Variants in FOLH1 observed in about 807,000 individuals in gnomAD.
FOLH1 encodes the protein folate hydrolase 1.
Under a neutral mutation model 93.9 loss-of-function variants are expected in FOLH1, and 54 were observed. That is an observed-to-expected ratio of 0.57 (90% CI 0.46 to 0.72). The LOEUF (loss-of-function observed/expected upper bound fraction) is 0.72. Ranked by LOEUF, FOLH1 falls within the 30% of genes least tolerant of loss-of-function variation. FOLH1 has a pLI of 0.00. For missense variants in FOLH1, 571 were observed against 892.5 expected (o/e 0.64, Z 4.59); for synonymous variants, 249 against 303.6 (o/e 0.82, Z 1.87).
chr11:49,183,146 TA>T lies in FOLH1; in HGVS notation c.920+2del. On this transcript the variant is annotated splice_donor_variant, in intron 7 of 18. Coordinates refer to ENST00000256999, the MANE Select transcript of FOLH1 (RefSeq NM_004476.3). ...AGCCATCCATGGTTTCTTACAAACT[TA>T]CTCTAGGAGCTTCTGTGCATCATAG... 1 of 1,594,258 alleles carries T rather than the reference TA, an allele frequency of 6.3e-7. No individual in the cohort carries two copies.
At position 49,203,380 on chromosome 11, in the gene FOLH1, A is replaced by G. The variant is rs1863492134; in HGVS notation, c.224+2687T>C. Among the ~76,000 whole-genome samples the G allele has an allele frequency of 2.0e-5, 3 of 152,186 alleles. No homozygotes were observed. In the South Asian group the frequency reaches 6.2e-4, roughly 31 times the overall value. On this transcript the variant is annotated intron_variant, in intron 2 of 18. Coordinates refer to ENST00000256999, the MANE Select transcript of FOLH1 (RefSeq NM_004476.3). ...AAAGCTGCTCCTAATTAATCTTCCC[A>G]TTCACTACTGAGGCAGATATTTCAG...
intron 17 of FOLH1, among the ~76,000 whole-genome samples, chr11:49,153,015 A>G (rs1184878857): frequency 6.6e-6 from 1 of 152,070 alleles, no homozygotes; most frequent in Non-Finnish European, 1.5e-5. Context: ...ATATTTCCTT[A>G]TAGATCACCA....
At chr11:49,175,064 C>T (rs1859843625) in intron 8 of FOLH1, 87 bp from the exon 9 acceptor site, 2 of 1,225,864 alleles carry the variant, frequency 1.6e-6, no homozygotes, top group African/African-American at 3.1e-5. Context: ...TCCCCTCTGC[C>T]TTTGAAGGTT....
chr11:49,181,322 G>A (rs1170344354), intron 7 of FOLH1, among the ~76,000 whole-genome samples: 2 of 151,884 alleles, frequency 1.3e-5, no homozygotes, highest in Non-Finnish European at 2.9e-5. Flanking sequence ...ATGTTGGCGA[G>A]GATGGTCCCC....
intron 5 of FOLH1, 145 bp downstream of exon 5, chr11:49,186,499 T>C (rs1861399236): frequency 1.0e-6 from 1 of 961,744 alleles, no homozygotes; most frequent in African/African-American, 1.7e-5. Flanking sequence ...CTAGTAAATG[T>C]GTCCTCTCTG....
rs1156956434 is a variant in FOLH1, at chr11:49,194,790, T to C, written c.412-1896A>G. Among the ~76,000 whole-genome samples the C allele has an allele frequency of 2.0e-5, 3 of 151,676 alleles. No individual in the cohort carries two copies. In the East Asian group the frequency reaches 5.8e-4, roughly 29 times the overall value. ...AATTAAAAAAAATTTTAGGACAAAGTCAAATAACATTATGACGAGATAAAA... is the reference window on the plus strand; with the variant it reads ...AATTAAAAAAAATTTTAGGACAAAGCCAAATAACATTATGACGAGATAAAA... On this transcript the variant is annotated intron_variant, in intron 3 of 18. Transcript: ENST00000256999.
intron 3 of FOLH1, among the ~76,000 whole-genome samples, chr11:49,196,313 C>T (rs1410678676): frequency 6.6e-6 from 1 of 151,964 alleles, no homozygotes; most frequent in African/African-American, 2.4e-5. Context: ...ATATTACAAC[C>T]AATAAAGAAA....
At chr11:49,153,492 T>C (rs896207865) in intron 17 of FOLH1, among the ~76,000 whole-genome samples, 25 of 151,894 alleles carry the variant, frequency 1.6e-4, no homozygotes, top group African/African-American at 6.0e-4. Context: ...GGACCTTCAA[T>C]GTTAAGCAGA....
intron 14 of FOLH1, among the ~76,000 whole-genome samples, chr11:49,157,579 T>C (rs1857163896): frequency 6.6e-6 from 1 of 151,938 alleles, no homozygotes; most frequent in Non-Finnish European, 1.5e-5. Flanking sequence ...TTTCAGATTA[T>C]GAATTTTCAG....
At chr11:49,174,850 C>T (rs1426112858) in intron 9 of FOLH1, 42 bp downstream of exon 9, 1 of 1,470,340 alleles carries the variant, frequency 6.8e-7, no homozygotes, top group Non-Finnish European at 9.4e-7. Flanking sequence ...CAGCACATAA[C>T]AGTTACTTGA....
intron 15 of FOLH1, among the ~76,000 whole-genome samples, chr11:49,155,334 T>A (rs1324992643): frequency 6.6e-6 from 1 of 152,064 alleles, no homozygotes; most frequent in Non-Finnish European, 1.5e-5. Context: ...ACCTCCTGCA[T>A]AACTCTGCCT....
chr11:49,148,587 A>G, intron 18 of FOLH1, 52 bp downstream of exon 18: 1 of 1,347,626 alleles, frequency 7.4e-7, no homozygotes, highest in Non-Finnish European at 1.0e-6. Context: ...AAATAAAAAT[A>G]ATTAGAAGAA....
chr11:49,197,778 A>G (rs1862775514), intron 3 of FOLH1, among the ~76,000 whole-genome samples: 1 of 152,186 alleles, frequency 6.6e-6, no homozygotes, highest in African/African-American at 2.4e-5. Flanking sequence ...ACTTGTCACA[A>G]TGTCAATAGA....
intron 3 of FOLH1, among the ~76,000 whole-genome samples, chr11:49,193,138 C>G (rs981278658): frequency 6.6e-6 from 1 of 152,046 alleles, no homozygotes; most frequent in Non-Finnish European, 1.5e-5. Context: ...GCTAAAAAAA[C>G]CCCACCAATA....
At chr11:49,171,059 A>G in intron 11 of FOLH1, 136 bp downstream of exon 11, 3 of 993,138 alleles carry the variant, frequency 3.0e-6, no homozygotes, top group Non-Finnish European at 4.2e-6. Flanking sequence ...GAACAAGAAT[A>G]TGTTACTTCA....
chr11:49,175,596 C>A (rs967892218), intron 8 of FOLH1, among the ~76,000 whole-genome samples: 11 of 152,102 alleles, frequency 7.2e-5, no homozygotes, highest in Non-Finnish European at 1.5e-5. Context: ...GACTTTTATC[C>A]TTTAGTTCAA....
chr11:49,207,948 C>CAAACAAACAAAACAAAACA, intron 1 of FOLH1: 2 of 496,220 alleles, frequency 4.0e-6, no homozygotes, highest in South Asian at 3.2e-5. Flanking sequence ...AACAAACAAA[C>CAAACAAACAAAACAAAACA]AAACAAAACA....
chr11:49,160,465 C>T (rs1169590561), intron 13 of FOLH1, among the ~76,000 whole-genome samples: 11 of 151,552 alleles, frequency 7.3e-5, no homozygotes, highest in South Asian at 2.1e-4. Context: ...TTTTTTGAGA[C>T]GGAGTCTCTC....
chr11:49,145,293 T>C lies in FOLH1; in HGVS notation c.*1463A>G, dbSNP rs1290536197. ...CAAGAGGGTGCTTTTCAATCTGCTT[T>C]CTGTGTGCACCCTTGGCAAACTCTG... is the stretch of plus-strand genomic sequence containing the variant. On this transcript the variant is annotated 3_prime_UTR_variant, in exon 19 of 19. Transcript: ENST00000256999. Among the ~76,000 whole-genome samples, 2 of 152,116 alleles carry C rather than the reference T, an allele frequency of 1.3e-5. No individual in the cohort carries two copies. The highest frequency in any genetic ancestry group is 3.9e-4 in the East Asian group (2 of 5,182).
Sources: allele counts gnomAD v4.1 joint callset (sites outside exome capture counted in the v4.1 genomes callset), GRCh38; gene constraint gnomAD v4.1.1; transcripts MANE v1.5; gene names NCBI Gene and HGNC (gene_info 2026-07-23, HGNC 2026-07-21).